FAM219A: variants seen among roughly 807,000 people sequenced by gnomAD.
FAM219A encodes protein FAM219A.
In FAM219A, 7 loss-of-function variants were observed where a neutral mutation model predicts 23.4. The ratio of observed to expected loss-of-function variants is 0.30; its 90% CI spans 0.17 to 0.56. The LOEUF is 0.56. Among genes scored for constraint, FAM219A ranks in the 20% least tolerant of loss-of-function variants. The pLI is 0.92. For synonymous variants in FAM219A, 93 were observed against 99.0 expected, an observed-to-expected ratio of 0.94 and a Z score of 0.36; for missense variants, 166 against 246.9, an observed-to-expected ratio of 0.67 and a Z score of 2.20.
At chr9:34,413,368 A>T (rs1564001957) in intron 1 of FAM219A, among the ~76,000 whole-genome samples, 1 of 152,164 alleles carries the variant, frequency 6.6e-6, no homozygotes, top group African/African-American at 2.4e-5. Context: ...CTGGGCTCTC[A>T]GCTACAATCC....
rs1821292347 is a variant in FAM219A at position 34,398,354 on chromosome 9, A to T, written c.*2610T>A. On this transcript the variant is annotated 3_prime_UTR_variant, in exon 6 of 6. Coordinates refer to ENST00000651358, the MANE Select transcript of FAM219A (RefSeq NM_001184940.2). The stretch of plus-strand genomic sequence containing the variant: ...GCACGGAGAAACCTGGCTGGGTGGC[A>T]GCCACAGCTGAGAGAGGAGGGAGTG... 1.3e-6 allele frequency: 2 copies of T among 1,550,764 alleles called. No individual in the cohort carries two copies. Among genetic ancestry groups the T allele is most frequent in the Middle Eastern group, 1.7e-4 (1 of 5,990 alleles).
chr9:34,407,586 G>T (rs1302899644), intron 1 of FAM219A, among the ~76,000 whole-genome samples: 1 of 152,212 alleles, frequency 6.6e-6, no homozygotes, highest in African/African-American at 2.4e-5. Flanking sequence ...GAGGGACATA[G>T]GGAAGAGAAC....
intron 1 of FAM219A, among the ~76,000 whole-genome samples, chr9:34,410,437 T>C (rs1034663988): frequency 6.6e-6 from 1 of 152,094 alleles, no homozygotes; most frequent in Admixed American, 6.5e-5. Context: ...TCTGGATAAG[T>C]AGATGGAAGA....
intron 1 of FAM219A, among the ~76,000 whole-genome samples, chr9:34,424,708 C>T (rs1017825282): frequency 5.9e-5 from 9 of 152,188 alleles, no homozygotes; most frequent in African/African-American, 2.2e-4. Flanking sequence ...GCCTGCGTTG[C>T]GATTTTCCCA....
At chr9:34,446,788 C>G (rs1003785168) in intron 1 of FAM219A, among the ~76,000 whole-genome samples, 1 of 152,188 alleles carries the variant, frequency 6.6e-6, no homozygotes. Flanking sequence ...ACATGACATG[C>G]TTTTGACTCC....
At chr9:34,406,476 G>C in intron 1 of FAM219A, 1 of 985,402 alleles carries the variant, frequency 1.0e-6, no homozygotes, top group Non-Finnish European at 1.2e-6. Context: ...AGCCACACCA[G>C]CCTTCAAGGC....
At chr9:34,447,726 C>T (rs1413668181) in intron 1 of FAM219A, among the ~76,000 whole-genome samples, 2 of 152,156 alleles carry the variant, frequency 1.3e-5, no homozygotes, top group East Asian at 3.9e-4. Context: ...TTTCCTGAAT[C>T]TGCTTCTTTC....
chr9:34,410,983 A>G (rs956284770), intron 1 of FAM219A, among the ~76,000 whole-genome samples: 2 of 152,204 alleles, frequency 1.3e-5, no homozygotes, highest in Non-Finnish European at 2.9e-5. Flanking sequence ...CACTATATCC[A>G]TGTTAACTGT....
At chr9:34,402,510 T>A in intron 3 of FAM219A, 43 bp from the exon 4 acceptor site, 1 of 1,612,960 alleles carries the variant, frequency 6.2e-7, no homozygotes, top group South Asian at 1.1e-5. Flanking sequence ...AAGTGGAGCA[T>A]AGAAACCTGG....
rs1168282940 is a variant in FAM219A, at chr9:34,402,460, C to T, written c.271G>A (p.Val91Ile). The change falls in exon 4 of 6, where the codon GTC becomes ATC. Residue 91 changes from valine (V) to isoleucine (I), a missense_variant. Around this residue, in one of 3 missense-constraint regions of FAM219A, gnomAD observed 72 missense variants for 131.0 expected, o/e 0.55. Coordinates refer to ENST00000651358, the MANE Select transcript of FAM219A (RefSeq NM_001184940.2). ...AGTGAGGAGTAGCCTTTATTGGGGA[C>T]GACCAGCCTAGGTGAAGAATTTCGG... is the stretch of plus-strand genomic sequence containing the variant. ...NNVMARTRLV[V>I]PNKGYSSLDQ... is the part of the protein sequence containing the mutation. 8.1e-6 allele frequency: 13 copies of T among 1,614,148 alleles called. No homozygotes were observed. The highest frequency in any genetic ancestry group is 1.7e-5 in the Admixed American group (1 of 60,026).
intron 1 of FAM219A, among the ~76,000 whole-genome samples, chr9:34,430,857 A>ACAACAACAACAACAACAACAG (rs1219611733): frequency 1.3e-5 from 2 of 151,804 alleles, no homozygotes; most frequent in African/African-American, 4.8e-5. Context: ...AACAACAACA[A>ACAACAACAACAACAACAACAG]CAACAACAAT....
rs1220087575 is a variant in FAM219A, at chr9:34,398,460, G to A, written c.*2504C>T. 2.9e-6 allele frequency: 4 copies of A among 1,371,508 alleles called. No homozygotes were observed. The African/African-American group carries it at 4.3e-5, about 15-fold the overall frequency. 85.0% of individuals were successfully genotyped at this position (1,371,508 alleles called of 1,614,324 possible). On this transcript the variant is annotated 3_prime_UTR_variant, in exon 6 of 6. Coordinates refer to ENST00000651358, the MANE Select transcript of FAM219A (RefSeq NM_001184940.2). ...TCTTCCCTCCAACCTCCCAGACAGGGAAGGAGGGAGCCACACCCCTCCCTA... is the reference window on the plus strand; with the variant it reads ...TCTTCCCTCCAACCTCCCAGACAGGAAAGGAGGGAGCCACACCCCTCCCTA...
chr9:34,402,448 C>A lies in FAM219A; in HGVS notation c.283G>T (p.Gly95Cys). 6.2e-7 allele frequency: 1 copy of A among 1,614,186 alleles called. No individual in the cohort carries two copies. Reference protein sequence around the residue: ...ARTRLVVPNKGYSSLDQSPDE... With the variant: ...ARTRLVVPNKCYSSLDQSPDE... ...GGGCTCTGGTCAAGTGAGGAGTAGC[C>A]TTTATTGGGGACGACCAGCCTAGGT... Residue 95 changes from glycine to cysteine, a missense_variant, in exon 4 of 6, where the codon GGC (glycine) becomes TGC (cysteine). Around this residue, in one of 3 missense-constraint regions of FAM219A, gnomAD observed 72 missense variants for 131.0 expected, o/e 0.55. Transcript: ENST00000651358.
At chr9:34,437,947 G>A (rs1020790063) in intron 1 of FAM219A, among the ~76,000 whole-genome samples, 22 of 152,232 alleles carry the variant, frequency 1.4e-4, no homozygotes, top group African/African-American at 4.8e-4. Context: ...GCGGGAACCC[G>A]GGCTGCGCGT....
intron 1 of FAM219A, among the ~76,000 whole-genome samples, chr9:34,415,225 G>T (rs1277626255): frequency 6.6e-6 from 1 of 152,130 alleles, no homozygotes; most frequent in Non-Finnish European, 1.5e-5. Context: ...GCATTTTGGG[G>T]TATGGTCAAG....
At chr9:34,418,121 T>C (rs1822102173) in intron 1 of FAM219A, among the ~76,000 whole-genome samples, 1 of 151,944 alleles carries the variant, frequency 6.6e-6, no homozygotes, top group African/African-American at 2.4e-5. Flanking sequence ...ACCCTACCTA[T>C]TATTTAGTTT....
At chr9:34,430,951 T>C (rs1344456039) in intron 1 of FAM219A, among the ~76,000 whole-genome samples, 1 of 152,236 alleles carries the variant, frequency 6.6e-6, no homozygotes, top group South Asian at 2.1e-4. Context: ...TCCAGGGTTC[T>C]GAACCACCTC....
At chr9:34,420,809 T>C (rs1366923411) in intron 1 of FAM219A, among the ~76,000 whole-genome samples, 1 of 151,764 alleles carries the variant, frequency 6.6e-6, no homozygotes, top group African/African-American at 2.4e-5. Context: ...AGACCCCATC[T>C]CTACAAAAAA....
chr9:34,446,119 G>A (rs1376468111), intron 1 of FAM219A, among the ~76,000 whole-genome samples: 1 of 149,446 alleles, frequency 6.7e-6, no homozygotes, highest in Non-Finnish European at 1.5e-5. Context: ...GCTGCAGTGA[G>A]CCAAGATTGT....
Sources: gnomAD v4.1 joint callset for allele counts (sites outside exome capture counted in the v4.1 genomes callset) on GRCh38, gnomAD v4.1.1 for gene constraint, gnomAD v4.1.1 regional missense constraint, MANE v1.5 for transcripts, NCBI Gene and HGNC (gene_info 2026-07-23, HGNC 2026-07-21) for gene names.